FLNB: variants seen among roughly 807,000 people sequenced by gnomAD.
FLNB encodes filamin-B.
A neutral mutation model predicts 250.6 loss-of-function variants in FLNB; 111 were observed. The ratio of observed to expected loss-of-function variants is 0.44; its 90% CI spans 0.38 to 0.52. FLNB has a LOEUF of 0.52. Among genes scored for constraint, FLNB ranks in the 20% least tolerant of loss-of-function variants. The pLI is 0.00. For missense variants in FLNB, 2,869 were observed against 3,447.8 expected, an observed-to-expected ratio of 0.83 and a Z score of 4.20; for synonymous variants, 1,302 against 1,372.1, an observed-to-expected ratio of 0.95 and a Z score of 1.13.
At position 58,060,789 on chromosome 3, in the gene FLNB, A is replaced by G. The variant is rs1018237871; in HGVS notation, c.293-16257A>G. On this transcript the variant is annotated intron_variant, in intron 1 of 45. Transcript: ENST00000295956. ...TGTCTCAAAAAAAAAAAAAAAAAAA[A>G]AAAAAAAAAAGAAAGAAAGAAAAGA... Among the ~76,000 whole-genome samples the G allele has an allele frequency of 3.7e-5, 4 of 107,404 alleles. No homozygotes were observed. The South Asian group carries it at 8.1e-4, about 22-fold the overall frequency. 70.5% of individuals were successfully genotyped at this position (107,404 alleles called of 152,430 possible). A position where few individuals can be genotyped will look rare whatever the true frequency, so the allele number is the denominator to read the frequency against.
chr3:58,108,209 C>T (rs189632990), intron 12 of FLNB, among the ~76,000 whole-genome samples: 164 of 152,290 alleles, frequency 1.1e-3, no homozygotes, highest in African/African-American at 3.8e-3. Context: ...CATCCTGGGC[C>T]GCATGCGGGC....
At chr3:58,078,584 A>G in intron 2 of FLNB, 133 bp from the exon 3 acceptor site, 1 of 1,523,640 alleles carries the variant, frequency 6.6e-7, no homozygotes, top group Non-Finnish European at 8.8e-7. Flanking sequence ...TATTAAATAT[A>G]TGATTTGCTC....
At position 58,112,649 on chromosome 3, in the gene FLNB, GCA is replaced by G. The variant is rs150023307; in HGVS notation, c.2745+344_2745+345del. On this transcript the variant is annotated intron_variant, in intron 18 of 45. Transcript: ENST00000295956. ...TTCTGTTACACATGTGCACACATGT[GCA>G]CACACACACACATACACACACACAC... is the stretch of plus-strand genomic sequence containing the variant. 3.6e-4 allele frequency among the ~76,000 whole-genome samples: 54 copies of G among 152,034 alleles called. No homozygotes were observed. In the East Asian group the frequency reaches 5.0e-3, roughly 14 times the overall value.
At chr3:58,144,877 A>G (rs1309938380) in intron 32 of FLNB, among the ~76,000 whole-genome samples, 3 of 152,088 alleles carry the variant, frequency 2.0e-5, no homozygotes, top group East Asian at 3.8e-4. Flanking sequence ...AACTTTCCCT[A>G]TGTCTATTTG....
rs765107865 is a variant in FLNB, at chr3:58,094,799, G to A, written c.788-37G>A. The A allele has an allele frequency of 6.4e-6, 10 of 1,562,794 alleles. No homozygotes were observed. In the South Asian group the frequency reaches 6.7e-5, roughly 10 times the overall value. On this transcript the variant is annotated intron_variant, in intron 4 of 45. Transcript: ENST00000295956. The stretch of plus-strand genomic sequence containing the variant: ...GGGCGATGGCTCATGACACACCCTC[G>A]CCTGGCTTCTAACATGTCTGTGTAA...
chr3:58,148,100 T>G, intron 34 of FLNB, 106 bp from the exon 35 acceptor site: 1 of 1,137,374 alleles, frequency 8.8e-7, no homozygotes. Flanking sequence ...TAACTTTGTG[T>G]AATTAGTTCT....
intron 1 of FLNB, among the ~76,000 whole-genome samples, chr3:58,024,730 A>ATTTTTTTTTTT (rs2097120683): frequency 4.1e-5 from 1 of 24,672 alleles, no homozygotes; most frequent in Non-Finnish European, 6.2e-5. Flanking sequence ...TTTTTTTTTA[A>ATTTTTTTTTTT]CCTTGAGACA....
intron 6 of FLNB, among the ~76,000 whole-genome samples, 169 bp from the exon 7 acceptor site, chr3:58,097,646 A>G (rs549103150): frequency 6.6e-6 from 1 of 152,284 alleles, no homozygotes; most frequent in East Asian, 1.9e-4. Flanking sequence ...GCCAGGTGGG[A>G]GTCCCATTCA....
At chr3:58,058,792 T>C (rs1213233181) in intron 1 of FLNB, among the ~76,000 whole-genome samples, 2 of 152,236 alleles carry the variant, frequency 1.3e-5, no homozygotes, top group African/African-American at 4.8e-5. Flanking sequence ...TTATTTCCTG[T>C]CTTCCTTTCT....
At chr3:58,140,660 GT>G in intron 29 of FLNB, among the ~76,000 whole-genome samples, 2 of 152,236 alleles carry the variant, frequency 1.3e-5, no homozygotes, top group East Asian at 3.9e-4. Flanking sequence ...CCAGGCTGGA[GT>G]ACAGTGGTGC....
chr3:58,125,468 CAT>C, intron 22 of FLNB, 111 bp from the exon 23 acceptor site: 1 of 1,243,446 alleles, frequency 8.0e-7, no homozygotes, highest in Non-Finnish European at 1.2e-6. Context: ...TTCCAAATAA[CAT>C]AGTATAGCAT....
In FLNB at chr3:58,123,116, C is replaced by T. The variant is rs763929264; in HGVS notation, c.3150C>T (p.Leu1050=). 6.8e-6 allele frequency: 11 copies of T among 1,614,030 alleles called. No homozygotes were observed. The highest frequency in any genetic ancestry group is 5.0e-5 in the Admixed American group (3 of 60,006). The change falls in exon 21 of 46, where the codon CTC becomes CTT. Residue 1050 remains leucine (L), a synonymous_variant. Transcript: ENST00000295956. ...PSKVKAHGPG[L]EGGLVGKPAE... is the part of the protein sequence containing the mutation. ...AGGTGAAGGCCCACGGTCCCGGCCT[C>T]GAAGGTGGTCTCGTGGGCAAGCCTG...
At position 58,105,310 on chromosome 3, in the gene FLNB, C is replaced by G. The variant is rs2097257892; in HGVS notation, c.1747+94C>G. The G allele has an allele frequency of 2.0e-6, 3 of 1,529,726 alleles. No homozygotes were observed. The South Asian group carries it at 3.4e-5, about 17-fold the overall frequency. 94.8% of individuals were successfully genotyped at this position (1,529,726 alleles called of 1,614,324 possible). A position where few individuals can be genotyped will look rare whatever the true frequency, so the allele number is the denominator to read the frequency against. On this transcript the variant is annotated intron_variant, in intron 11 of 45. Transcript: ENST00000295956. ...GCTGGATGTTGGGGCCTTGCCTAGCCTCAATACCTTTAGCTTCCTGGCCTC... is the reference window on the plus strand; with the variant it reads ...GCTGGATGTTGGGGCCTTGCCTAGCGTCAATACCTTTAGCTTCCTGGCCTC...
chr3:58,167,134 T>C (rs1426919218), intron 43 of FLNB, among the ~76,000 whole-genome samples: 1 of 152,126 alleles, frequency 6.6e-6, no homozygotes, highest in African/African-American at 2.4e-5. Context: ...TCTCAATCAA[T>C]CAATCAATAA....
chr3:58,029,956 T>C (rs2097128602), intron 1 of FLNB, among the ~76,000 whole-genome samples: 1 of 152,162 alleles, frequency 6.6e-6, no homozygotes, highest in South Asian at 2.1e-4. Context: ...ACAGTGGGTG[T>C]GAAGATTTAA....
At chr3:58,166,071 A>T (rs183928230) in intron 43 of FLNB, 3 of 152,052 alleles carry the variant, frequency 2.0e-5, no homozygotes, top group Admixed American at 1.3e-4. Flanking sequence ...CAGCTGTGTG[A>T]CTCCAGATGA....
chr3:58,126,051 G>C (rs139991302), intron 23 of FLNB, among the ~76,000 whole-genome samples: 1 of 152,164 alleles, frequency 6.6e-6, no homozygotes, highest in African/African-American at 2.4e-5. Context: ...ATATGCCTGC[G>C]TTGTACTTGC....
chr3:58,170,477 T>G, intron 45 of FLNB, 98 bp from the exon 46 acceptor site: 1 of 1,231,174 alleles, frequency 8.1e-7, no homozygotes, highest in Non-Finnish European at 1.2e-6. Flanking sequence ...GGCCCCAGCA[T>G]TATCGTGGAA....
chr3:58,052,398 C>G (rs1192708985), intron 1 of FLNB, among the ~76,000 whole-genome samples: 1 of 152,082 alleles, frequency 6.6e-6, no homozygotes, highest in Non-Finnish European at 1.5e-5. Flanking sequence ...TAAGATGGAC[C>G]CAGCCCACTG....
Sources: allele counts gnomAD v4.1 joint callset (sites outside exome capture counted in the v4.1 genomes callset), GRCh38; gene constraint gnomAD v4.1.1; transcripts MANE v1.5; gene names NCBI Gene and HGNC (gene_info 2026-07-23, HGNC 2026-07-21).